PLCB1: variants seen among roughly 807,000 people sequenced by gnomAD.
The protein encoded by PLCB1 is 1-phosphatidylinositol 4,5-bisphosphate phosphodiesterase beta-1.
Under a neutral mutation model 161.8 loss-of-function variants are expected in PLCB1, and 46 were observed. The observed-to-expected ratio is 0.28, with a 90% CI of 0.22 to 0.36. The LOEUF is 0.36. PLCB1 is among the 10% of genes least tolerant of loss of function. The pLI, the probability that PLCB1 is intolerant of heterozygous loss-of-function variation, is 1.00. For missense variants in PLCB1, 1,016 were observed against 1,472.5 expected (o/e 0.69, Z 5.07); for synonymous variants, 517 against 503.7 (o/e 1.03, Z -0.35).
chr20:8,315,761 T>A (rs1401342716), intron 2 of PLCB1, among the ~76,000 whole-genome samples: 2 of 151,940 alleles, frequency 1.3e-5, no homozygotes, highest in Non-Finnish European at 2.9e-5. Flanking sequence ...CAAGCCAAAA[T>A]GAGCGTAGGC....
At chr20:8,315,661 T>A (rs1342201383) in intron 2 of PLCB1, among the ~76,000 whole-genome samples, 1 of 152,200 alleles carries the variant, frequency 6.6e-6, no homozygotes, top group Non-Finnish European at 1.5e-5. Flanking sequence ...GTCTGTAATT[T>A]TGTCACCTTA....
At chr20:8,259,268 T>G (rs1459397002) in intron 2 of PLCB1, among the ~76,000 whole-genome samples, 1 of 152,118 alleles carries the variant, frequency 6.6e-6, no homozygotes, top group Non-Finnish European at 1.5e-5. Context: ...AATAATCACT[T>G]TGTGTGTATA....
At chr20:8,243,281 G>A (rs754479276) in intron 2 of PLCB1, among the ~76,000 whole-genome samples, 3 of 151,984 alleles carry the variant, frequency 2.0e-5, no homozygotes, top group Admixed American at 6.6e-5. Context: ...GCAAATGGCC[G>A]ATGATTCCCA....
rs1238256182 is a variant in PLCB1 at position 8,365,658 on chromosome 20, T to A, written c.178-5724T>A. Among the ~76,000 whole-genome samples, 4 of 152,178 alleles carry A rather than the reference T, an allele frequency of 2.6e-5. No individual in the cohort carries two copies. In the East Asian group the frequency reaches 7.7e-4, roughly 29 times the overall value. Reference sequence around the variant, plus strand: ...CTCTAAAATCATTTTTTTAAAAAAATTGTGCATTTTAAGGAGGTTTGGCAG... The same window carrying A: ...CTCTAAAATCATTTTTTTAAAAAAAATGTGCATTTTAAGGAGGTTTGGCAG... On this transcript the variant is annotated intron_variant, in intron 2 of 31. Coordinates refer to ENST00000338037, the MANE Select transcript of PLCB1 (RefSeq NM_015192.4).
At position 8,549,899 on chromosome 20, in the gene PLCB1, C is replaced by G. The variant is rs74183562; in HGVS notation, c.247-78395C>G. On this transcript the variant is annotated intron_variant, in intron 3 of 31. Transcript: ENST00000338037. ...ATCTGATGGTTTTATAAGGTGCATC[C>G]CCCTACCTTTGGCACTCATTCTTTC... 6.6e-3 allele frequency among the ~76,000 whole-genome samples: 1,008 copies of G among 152,242 alleles called. 5 individuals are homozygous for G. The highest frequency in any genetic ancestry group is 9.9e-3 in the Non-Finnish European group (671 of 68,022).
chr20:8,291,642 A>G (rs1457349961), intron 2 of PLCB1, among the ~76,000 whole-genome samples: 2 of 152,170 alleles, frequency 1.3e-5, no homozygotes, highest in East Asian at 3.9e-4. Flanking sequence ...TCGATGGCAC[A>G]TTTTCATTTT....
intron 12 of PLCB1, among the ~76,000 whole-genome samples, chr20:8,715,566 T>G (rs1427956246): frequency 6.6e-6 from 1 of 152,184 alleles, no homozygotes; most frequent in Non-Finnish European, 1.5e-5. Flanking sequence ...CTTTTTCCAT[T>G]ATACCAGGTC....
At chr20:8,782,764 G>A (rs1447933561) in intron 27 of PLCB1, among the ~76,000 whole-genome samples, 1 of 152,138 alleles carries the variant, frequency 6.6e-6, no homozygotes, top group African/African-American at 2.4e-5. Flanking sequence ...CAGAGTAAAT[G>A]CTTTGACTAA....
intron 31 of PLCB1, among the ~76,000 whole-genome samples, chr20:8,801,082 A>C (rs960912276): frequency 6.6e-6 from 1 of 152,096 alleles, no homozygotes; most frequent in African/African-American, 2.4e-5. Flanking sequence ...ATCCTCTAAA[A>C]GTCCAATACA....
At chr20:8,626,371 A>T (rs1423947275) in intron 3 of PLCB1, among the ~76,000 whole-genome samples, 1 of 152,046 alleles carries the variant, frequency 6.6e-6, no homozygotes, top group Non-Finnish European at 1.5e-5. Context: ...CCTTTATCTT[A>T]AGGATGATTC....
At chr20:8,706,836 G>T (rs1437184912) in intron 11 of PLCB1, among the ~76,000 whole-genome samples, 1 of 152,156 alleles carries the variant, frequency 6.6e-6, no homozygotes, top group Non-Finnish European at 1.5e-5. Flanking sequence ...CATGAGCTGA[G>T]TCCTTTGCCT....
At chr20:8,753,803 T>C (rs1378150789) in intron 23 of PLCB1, among the ~76,000 whole-genome samples, 1 of 152,154 alleles carries the variant, frequency 6.6e-6, no homozygotes, top group African/African-American at 2.4e-5. Context: ...TGGGTGGAAA[T>C]AGGCTAAAAA....
intron 3 of PLCB1, among the ~76,000 whole-genome samples, chr20:8,612,435 G>A (rs1266281372): frequency 6.6e-6 from 1 of 152,134 alleles, no homozygotes; most frequent in Non-Finnish European, 1.5e-5. Context: ...GAGGAAGGGT[G>A]GCATAGCAAC....
intron 3 of PLCB1, among the ~76,000 whole-genome samples, chr20:8,619,704 T>C (rs965211142): frequency 6.6e-6 from 1 of 152,106 alleles, no homozygotes; most frequent in African/African-American, 2.4e-5. Flanking sequence ...ACTGAAAAGA[T>C]CTAGAAATGA....
At chr20:8,862,772 G>A (rs947796294) in intron 31 of PLCB1, among the ~76,000 whole-genome samples, 3 of 152,284 alleles carry the variant, frequency 2.0e-5, no homozygotes, top group Non-Finnish European at 4.4e-5. Context: ...ATATATGCCA[G>A]CCAATAAATT....
At chr20:8,387,898 G>T (rs1172273974) in intron 3 of PLCB1, among the ~76,000 whole-genome samples, 1 of 149,924 alleles carries the variant, frequency 6.7e-6, no homozygotes, top group African/African-American at 2.5e-5. Flanking sequence ...TTGCACAACA[G>T]TGTGAATCTA....
chr20:8,445,115 C>A (rs1980760880), intron 3 of PLCB1, among the ~76,000 whole-genome samples: 1 of 152,092 alleles, frequency 6.6e-6, no homozygotes, highest in Non-Finnish European at 1.5e-5. Context: ...ACATGAAGTC[C>A]TTGCCCATGC....
chr20:8,452,660 G>A (rs771810405), intron 3 of PLCB1, among the ~76,000 whole-genome samples: 4 of 152,332 alleles, frequency 2.6e-5, no homozygotes, highest in Non-Finnish European at 5.9e-5. Context: ...ATAGCGCTCA[G>A]TGATCCCTGC....
At chr20:8,765,110 C>G (rs758876012) in intron 25 of PLCB1, 29 bp from the exon 26 acceptor site, 1 of 1,568,656 alleles carries the variant, frequency 6.4e-7, no homozygotes, top group East Asian at 2.2e-5. Context: ...CCCTCCCATT[C>G]CCTTAGCTTT....
Sources: gnomAD v4.1 joint callset for allele counts (sites outside exome capture counted in the v4.1 genomes callset) on GRCh38, gnomAD v4.1.1 for gene constraint, MANE v1.5 for transcripts, NCBI Gene and HGNC (gene_info 2026-07-23, HGNC 2026-07-21) for gene names.